GNAQ: variants seen among roughly 807,000 people sequenced by gnomAD.
GNAQ encodes the protein guanine nucleotide-binding protein G(q) subunit alpha.
In GNAQ, 8 loss-of-function variants were observed where a neutral mutation model predicts 43.9. The observed-to-expected ratio is 0.18, with a 90% CI of 0.11 to 0.33. The LOEUF (loss-of-function observed/expected upper bound fraction) is 0.33. Ranked by LOEUF, GNAQ falls within the 10% of genes least tolerant of loss-of-function variation. The pLI, the probability that GNAQ is intolerant of heterozygous loss-of-function variation, is 1.00. For missense variants in GNAQ, 158 were observed against 450.8 expected (o/e 0.35, Z 5.88); for synonymous variants, 155 against 170.7 (o/e 0.91, Z 0.71).
intron 1 of GNAQ, among the ~76,000 whole-genome samples, chr9:77,952,107 GA>G (rs1389893630): frequency 2.3e-4 from 35 of 152,228 alleles, no homozygotes; most frequent in Non-Finnish European, 7.3e-5. Context: ...TGGGAAGCCT[GA>G]AATTGAGGTT....
At chr9:77,951,739 T>TTCTC (rs1822980396) in intron 1 of GNAQ, among the ~76,000 whole-genome samples, 1 of 152,160 alleles carries the variant, frequency 6.6e-6, no homozygotes, top group African/African-American at 2.4e-5. Context: ...AACCTTACGA[T>TTCTC]TCTCTCTGTT....
At chr9:77,970,856 G>GT (rs1033660979) in intron 1 of GNAQ, among the ~76,000 whole-genome samples, 9 of 152,200 alleles carry the variant, frequency 5.9e-5, no homozygotes, top group African/African-American at 2.2e-4. Context: ...CCAGGAGCTG[G>GT]TTTTTTGAAA....
At chr9:77,905,350 T>C (rs1465123652) in intron 2 of GNAQ, among the ~76,000 whole-genome samples, 1 of 152,206 alleles carries the variant, frequency 6.6e-6, no homozygotes, top group Middle Eastern at 3.2e-3. Flanking sequence ...CTGGGCTACC[T>C]TTCTCAAAAG....
At chr9:77,769,277 C>G (rs1475490825) in intron 5 of GNAQ, among the ~76,000 whole-genome samples, 1 of 152,028 alleles carries the variant, frequency 6.6e-6, no homozygotes, top group Non-Finnish European at 1.5e-5. Flanking sequence ...TGGCATGCGC[C>G]TGTAATCCCA....
chr9:77,819,515 C>T (rs979251644), intron 2 of GNAQ, among the ~76,000 whole-genome samples: 29 of 152,130 alleles, frequency 1.9e-4, no homozygotes, highest in African/African-American at 6.0e-4. Flanking sequence ...GAATGTCACA[C>T]CTACCCAGAA....
intron 2 of GNAQ, among the ~76,000 whole-genome samples, chr9:77,876,734 C>T (rs142919606): frequency 6.1e-4 from 93 of 152,322 alleles, no homozygotes; most frequent in African/African-American, 2.2e-3. Flanking sequence ...AGGATCCCTA[C>T]TTACAAAAGA....
Position 77,855,188 on chromosome 9 carries a change from T to C in GNAQ, c.322-39418A>G, listed in dbSNP as rs1345941189. On this transcript the variant is annotated intron_variant, in intron 2 of 6. Transcript: ENST00000286548. ...TTATCTGAAAACATAAATGAAAATT[T>C]AGAAGGGAAACAAGAGGAGACATGA... 2.0e-5 allele frequency among the ~76,000 whole-genome samples: 3 copies of C among 152,048 alleles called. No individual in the cohort carries two copies. The East Asian group carries it at 5.8e-4, about 29-fold the overall frequency.
chr9:77,957,478 C>T (rs1418555917), intron 1 of GNAQ, among the ~76,000 whole-genome samples: 1 of 152,172 alleles, frequency 6.6e-6, no homozygotes, highest in African/African-American at 2.4e-5. Context: ...CGTAACTTTG[C>T]ACTACACACA....
chr9:77,911,142 G>A (rs1233039759), intron 2 of GNAQ, among the ~76,000 whole-genome samples: 2 of 152,208 alleles, frequency 1.3e-5, no homozygotes, highest in African/African-American at 4.8e-5. Flanking sequence ...GGCTGTGGAA[G>A]CTGTGCATGA....
At chr9:77,848,098 G>A (rs560352307) in intron 2 of GNAQ, among the ~76,000 whole-genome samples, 48 of 152,236 alleles carry the variant, frequency 3.2e-4, no homozygotes, top group Admixed American at 6.5e-4. Context: ...TCTCTATCAC[G>A]ATCAATGAGA....
At chr9:77,746,407 T>C (rs1172136699) in intron 5 of GNAQ, among the ~76,000 whole-genome samples, 2 of 152,044 alleles carry the variant, frequency 1.3e-5, no homozygotes, top group Non-Finnish European at 2.9e-5. Flanking sequence ...CCAGTCCTGA[T>C]TAGAAAAGAC....
intron 2 of GNAQ, among the ~76,000 whole-genome samples, chr9:77,904,344 T>C (rs1828668420): frequency 1.4e-5 from 1 of 71,186 alleles, no homozygotes. Flanking sequence ...TTTTTTTTTT[T>C]TTTTGTGAGA....
At chr9:78,004,364 G>C (rs1002751739) in intron 1 of GNAQ, among the ~76,000 whole-genome samples, 3 of 151,654 alleles carry the variant, frequency 2.0e-5, no homozygotes, top group African/African-American at 7.3e-5. Flanking sequence ...ACCATTCTCC[G>C]AAGTGGGGTC....
At chr9:77,938,842 G>C (rs1180562489) in intron 1 of GNAQ, among the ~76,000 whole-genome samples, 1 of 152,228 alleles carries the variant, frequency 6.6e-6, no homozygotes. Context: ...CTTTGGAAGG[G>C]AAACGCTGCT....
intron 4 of GNAQ, 97 bp from the exon 5 acceptor site, chr9:77,794,689 T>C: frequency 1.6e-6 from 1 of 618,968 alleles, no homozygotes; most frequent in South Asian, 2.8e-5. Context: ...GAAAATATTC[T>C]CTTGAATGAC....
chr9:78,018,447 CA>C (rs748956144), intron 1 of GNAQ, among the ~76,000 whole-genome samples: 10 of 151,990 alleles, frequency 6.6e-5, no homozygotes, highest in Non-Finnish European at 1.3e-4. Flanking sequence ...AAATTTTGTG[CA>C]AAAAACTTGC....
intron 2 of GNAQ, among the ~76,000 whole-genome samples, chr9:77,903,738 T>C (rs1364901966): frequency 6.6e-6 from 1 of 152,002 alleles, no homozygotes; most frequent in Non-Finnish European, 1.5e-5. Flanking sequence ...TATATATACA[T>C]ATACACACAC....
At chr9:77,736,989 G>A (rs1825585713) in intron 5 of GNAQ, among the ~76,000 whole-genome samples, 1 of 152,164 alleles carries the variant, frequency 6.6e-6, no homozygotes, top group East Asian at 1.9e-4. Context: ...TTTATGCTTA[G>A]ATGTCAGGGA....
intron 5 of GNAQ, among the ~76,000 whole-genome samples, chr9:77,763,979 G>C (rs1587905847): frequency 6.6e-6 from 1 of 152,250 alleles, no homozygotes; most frequent in South Asian, 2.1e-4. Context: ...CTTGGATTTT[G>C]GGGAATGTTT....
Sources: allele counts gnomAD v4.1 joint callset (sites outside exome capture counted in the v4.1 genomes callset), GRCh38; gene constraint gnomAD v4.1.1; transcripts MANE v1.5; gene names NCBI Gene and HGNC (gene_info 2026-07-23, HGNC 2026-07-21).